The following LYST variants were observed in gnomAD, a reference collection of about 807,000 sequenced individuals.
LYST encodes lysosomal-trafficking regulator.
LYST carries 192 observed loss-of-function variants against 413.6 expected under a neutral mutation model. That is an observed-to-expected ratio of 0.46 (90% CI 0.41 to 0.52). The LOEUF is 0.52. LYST is among the 20% of genes least tolerant of loss of function. The pLI is 0.00. For missense variants in LYST, 3,815 were observed against 4,499.9 expected (o/e 0.85, Z 4.35); for synonymous variants, 1,525 against 1,567.3 (o/e 0.97, Z 0.64).
intron 38 of LYST, among the ~76,000 whole-genome samples, chr1:235,724,836 G>A (rs1407575475): frequency 6.6e-6 from 1 of 152,192 alleles, no homozygotes. Context: ...ACATAGCTGA[G>A]CTTGCAAGAA....
intron 20 of LYST, among the ~76,000 whole-genome samples, chr1:235,767,658 C>T (rs1179201024): frequency 6.6e-6 from 1 of 152,024 alleles, no homozygotes; most frequent in African/African-American, 2.4e-5. Context: ...AATCCCTTAA[C>T]TTTACCTTAT....
At chr1:235,828,578 G>C (rs1675591111) in intron 3 of LYST, 1 of 172,576 alleles carries the variant, frequency 5.8e-6, no homozygotes, top group Non-Finnish European at 1.2e-5. Context: ...CCAATTATTT[G>C]GGTCTTCTTT....
chr1:235,747,396 A>C (rs962620244), intron 28 of LYST: 4 of 274,088 alleles, frequency 1.5e-5, no homozygotes, highest in African/African-American at 9.0e-5. Context: ...AATTACTTAC[A>C]TATGACTAAA....
intron 3 of LYST, among the ~76,000 whole-genome samples, chr1:235,816,218 G>C (rs747225680): frequency 1.2e-4 from 17 of 142,980 alleles, no homozygotes; most frequent in Middle Eastern, 8.1e-3. Flanking sequence ...AAGGCAGGTA[G>C]ATCACAAGGT....
intron 1 of LYST, among the ~76,000 whole-genome samples, chr1:235,844,690 C>G (rs1260686815): frequency 6.6e-6 from 1 of 151,282 alleles, no homozygotes; most frequent in East Asian, 1.9e-4. Context: ...TTAAACCTCT[C>G]TCTACAAACT....
At chr1:235,665,528 C>T (rs146031306) in intron 50 of LYST, among the ~76,000 whole-genome samples, 3 of 148,946 alleles carry the variant, frequency 2.0e-5, no homozygotes, top group African/African-American at 7.4e-5. Context: ...AGAAGAATCA[C>T]TTGAACCCAG....
At chr1:235,699,165 C>T (rs182700647) in intron 45 of LYST, among the ~76,000 whole-genome samples, 15 of 152,164 alleles carry the variant, frequency 9.9e-5, no homozygotes, top group Admixed American at 2.6e-4. Flanking sequence ...CATAGGTATA[C>T]GTGTGCCATG....
intron 14 of LYST, among the ~76,000 whole-genome samples, chr1:235,785,089 A>C (rs1272181298): frequency 6.6e-6 from 1 of 152,154 alleles, no homozygotes; most frequent in Non-Finnish European, 1.5e-5. Context: ...AGCTGTAAGC[A>C]ATCAATTGCT....
chr1:235,731,186 A>G lies in LYST; in HGVS notation c.8802-9T>C, dbSNP rs771447925. 7 of 1,613,904 alleles carry G rather than the reference A, an allele frequency of 4.3e-6. No individual in the cohort carries two copies. In the South Asian group the frequency reaches 7.7e-5, roughly 18 times the overall value. ...GGTCATACCATACTGCTCTGCAAGT[A>G]AAAAGATTAAAGGGTGTTTTAAGTG... On this transcript the variant is annotated splice_polypyrimidine_tract_variant and intron_variant, in intron 34 of 52. Transcript: ENST00000389793.
At chr1:235,857,405 A>G (rs1679311978) in intron 1 of LYST, among the ~76,000 whole-genome samples, 1 of 152,102 alleles carries the variant, frequency 6.6e-6, no homozygotes, top group Admixed American at 6.5e-5. Flanking sequence ...CTTCCTATAT[A>G]AGGATGTTGG....
chr1:235,817,109 A>G (rs961909596), intron 3 of LYST, among the ~76,000 whole-genome samples: 4 of 152,218 alleles, frequency 2.6e-5, no homozygotes, highest in African/African-American at 4.8e-5. Context: ...GCCAACAAGC[A>G]TATGAAAAAA....
At position 235,835,969 on chromosome 1, in the gene LYST, G is replaced by A. The variant is rs777638609; in HGVS notation, c.-97-2302C>T. On this transcript the variant is annotated intron_variant, in intron 1 of 52. Coordinates refer to ENST00000389793, the MANE Select transcript of LYST (RefSeq NM_000081.4). ...ACAATTGTTATAATGTCATAACAAAGAAAACTTGCCCCAACGATATTCGTA... is the reference window on the plus strand; with the variant it reads ...ACAATTGTTATAATGTCATAACAAAAAAAACTTGCCCCAACGATATTCGTA... 2.6e-5 allele frequency among the ~76,000 whole-genome samples: 4 copies of A among 152,088 alleles called. No individual in the cohort carries two copies. The South Asian group carries it at 8.3e-4, about 32-fold the overall frequency.
intron 19 of LYST, 40 bp from the exon 20 acceptor site, chr1:235,770,337 G>C: frequency 6.2e-7 from 1 of 1,600,646 alleles, no homozygotes; most frequent in Non-Finnish European, 8.6e-7. Flanking sequence ...CATACTTACT[G>C]AAAAATATGC....
chr1:235,853,582 A>G (rs1678810534), intron 1 of LYST, among the ~76,000 whole-genome samples: 1 of 152,088 alleles, frequency 6.6e-6, no homozygotes, highest in African/African-American at 2.4e-5. Flanking sequence ...AAAGGTGTAC[A>G]TATTATTTTT....
chr1:235,724,403 A>T lies in LYST; in HGVS notation c.9163-223T>A, dbSNP rs541111176. ...TATTTTTTAGACTAGTTTTAGGTTT[A>T]CAGAAAATTGAGCAGATAATACAGA... On this transcript the variant is annotated intron_variant, in intron 38 of 52. Coordinates refer to ENST00000389793, the MANE Select transcript of LYST (RefSeq NM_000081.4). Among the ~76,000 whole-genome samples the T allele has an allele frequency of 4.1e-4, 62 of 152,338 alleles. 1 individual carries two copies. In the South Asian group the frequency reaches 0.012, roughly 30 times the overall value.
At chr1:235,795,420 T>G (rs1030883671) in intron 10 of LYST, among the ~76,000 whole-genome samples, 6 of 152,216 alleles carry the variant, frequency 3.9e-5, no homozygotes, top group African/African-American at 1.4e-4. Flanking sequence ...GAATGCTGTA[T>G]GCCAAGCCAT....
chr1:235,882,160 G>C (rs1681407822), intron 1 of LYST, among the ~76,000 whole-genome samples: 1 of 151,892 alleles, frequency 6.6e-6, no homozygotes, highest in Admixed American at 6.6e-5. Flanking sequence ...GATCGGGAAG[G>C]CTTCACAAAG....
chr1:235,810,014 A>C lies in LYST; in HGVS notation c.804T>G (p.Val268=), dbSNP rs1319379943. ...CHVLLSLLEK[V]CKFDVTLNHN... is the part of the protein sequence containing the mutation. ...GATTCAAGGTAACGTCAAACTTACA[A>C]ACTTTTTCTAATAAAGATAACAAAA... Residue 268 remains valine (V), a synonymous_variant, in exon 5 of 53, where the codon GTT becomes GTG. Transcript: ENST00000389793. The C allele has an allele frequency of 6.2e-7, 1 of 1,614,020 alleles. No homozygotes were observed. The highest frequency in any genetic ancestry group is 8.5e-7 in the Non-Finnish European group (1 of 1,179,950).
chr1:235,798,576 C>CTTAAAAAAAAAAA (rs1558261064), intron 10 of LYST, among the ~76,000 whole-genome samples: 3 of 24,546 alleles, frequency 1.2e-4, no homozygotes, highest in African/African-American at 4.1e-4. Flanking sequence ...AAAACCCTGT[C>CTTAAAAAAAAAAA]ATAAAAAAAA....
Sources: gnomAD v4.1 joint callset for allele counts (sites outside exome capture counted in the v4.1 genomes callset) on GRCh38, gnomAD v4.1.1 for gene constraint, MANE v1.5 for transcripts, NCBI Gene and HGNC (gene_info 2026-07-23, HGNC 2026-07-21) for gene names.